PTPRN2: variants seen among roughly 807,000 people sequenced by gnomAD.
PTPRN2 encodes the protein protein tyrosine phosphatase receptor type N2.
In PTPRN2, 74 loss-of-function variants were observed where a neutral mutation model predicts 118.8. The ratio of observed to expected loss-of-function variants is 0.62; its 90% confidence interval spans 0.52 to 0.76. PTPRN2 has a LOEUF of 0.76. PTPRN2 is among the 30% of genes least tolerant of loss of function. The pLI is 0.00. For synonymous variants in PTPRN2, 641 were observed against 608.0 expected (o/e 1.05, Z -0.80); for missense variants, 1,481 against 1,394.4 (o/e 1.06, Z -0.99).
chr7:158,524,151 T>C (rs1473967838), intron 1 of PTPRN2, among the ~76,000 whole-genome samples: 5 of 51,320 alleles, frequency 9.7e-5, no homozygotes, highest in Admixed American at 4.3e-4. Flanking sequence ...TGCCCTGGAG[T>C]GGAGTCTGCC....
rs956185551 is a variant in PTPRN2, at chr7:157,974,348, G to T, written c.1724-75611C>A. On this transcript the variant is annotated intron_variant, in intron 11 of 22. Transcript: ENST00000389418. The surrounding 1 kb of genome is among the most constrained non-coding windows in gnomAD (Gnocchi z 4.0). ...ACGGGGCTCCTCCCCAGCTCACGGG[G>T]AAATCCCCTTTAATTTCAAACAGGG... 6.6e-6 allele frequency among the ~76,000 whole-genome samples: 1 copy of T among 152,200 alleles called. No homozygotes were observed. The highest frequency in any genetic ancestry group is 1.5e-5 in the Non-Finnish European group (1 of 68,038).
chr7:158,224,946 G>A (rs1407508735), intron 3 of PTPRN2, among the ~76,000 whole-genome samples: 2 of 152,060 alleles, frequency 1.3e-5, no homozygotes, highest in Admixed American at 6.6e-5. Flanking sequence ...TCTACTGATG[G>A]CAAATAACCA....
chr7:158,240,194 A>G (rs1056580442), intron 3 of PTPRN2, among the ~76,000 whole-genome samples: 4 of 152,172 alleles, frequency 2.6e-5, no homozygotes, highest in Non-Finnish European at 5.9e-5. Context: ...TTGGCTTAGT[A>G]TAATTTAATT....
chr7:158,108,505 C>G (rs973398443), intron 10 of PTPRN2, among the ~76,000 whole-genome samples: 1 of 152,212 alleles, frequency 6.6e-6, no homozygotes, highest in African/African-American at 2.4e-5. Context: ...CCCCAGCAGC[C>G]CTGGCATGTA....
intron 12 of PTPRN2, among the ~76,000 whole-genome samples, chr7:157,751,318 A>G (rs1801452204): frequency 6.6e-6 from 1 of 152,144 alleles, no homozygotes; most frequent in African/African-American, 2.4e-5. Context: ...TCAGCGAGGG[A>G]GAGCAGGTGG....
At chr7:157,695,476 A>T (rs1347169413) in intron 12 of PTPRN2, among the ~76,000 whole-genome samples, 2 of 152,140 alleles carry the variant, frequency 1.3e-5, no homozygotes, top group African/African-American at 4.8e-5. Flanking sequence ...TATAAAAATA[A>T]AAATAGATCC....
chr7:158,343,954 C>G (rs1039823739), intron 2 of PTPRN2, among the ~76,000 whole-genome samples: 1 of 152,190 alleles, frequency 6.6e-6, no homozygotes, highest in African/African-American at 2.4e-5. Context: ...CAAAGAAGAC[C>G]AGTGAACACA....
intron 21 of PTPRN2, among the ~76,000 whole-genome samples, chr7:157,555,368 A>G (rs1798828695): frequency 6.6e-6 from 1 of 152,254 alleles, no homozygotes; most frequent in Non-Finnish European, 1.5e-5. Flanking sequence ...GTCACAATGA[A>G]AGAATCCATT....
At chr7:157,553,530 C>T (rs1029376619) in intron 21 of PTPRN2, among the ~76,000 whole-genome samples, 7 of 152,178 alleles carry the variant, frequency 4.6e-5, no homozygotes, top group Admixed American at 1.3e-4. Context: ...TTCATGACAT[C>T]GTGGCTCCCT....
intron 11 of PTPRN2, among the ~76,000 whole-genome samples, chr7:158,026,916 C>G (rs1234388079): frequency 6.6e-6 from 1 of 152,228 alleles, no homozygotes; most frequent in African/African-American, 2.4e-5. Context: ...CGGCTCTGGG[C>G]ACTGTGTCAG....
intron 14 of PTPRN2, among the ~76,000 whole-genome samples, chr7:157,649,899 TCCAGCG>T: frequency 1.3e-5 from 1 of 76,824 alleles, no homozygotes; most frequent in Non-Finnish European, 3.3e-5. Flanking sequence ...GTCGGACCCA[TCCAGCG>T]TGCACTGAAC....
chr7:158,123,660 C>T lies in PTPRN2; in HGVS notation c.1556+10017G>A, dbSNP rs571108952. Among the ~76,000 whole-genome samples the T allele has an allele frequency of 4.6e-5, 7 of 152,326 alleles. No homozygotes were observed. The East Asian group carries it at 1.3e-3, about 29-fold the overall frequency. On this transcript the variant is annotated intron_variant, in intron 9 of 22. Coordinates refer to ENST00000389418, the MANE Select transcript of PTPRN2 (RefSeq NM_002847.5). ...AGGCAGAAAATCAATAGAGGAAAACCACTGTATTCTGACAACTTATTTTTT... is the reference window on the plus strand; with the variant it reads ...AGGCAGAAAATCAATAGAGGAAAACTACTGTATTCTGACAACTTATTTTTT...
At chr7:158,268,522 A>T (rs1334692323) in intron 3 of PTPRN2, among the ~76,000 whole-genome samples, 3 of 139,738 alleles carry the variant, frequency 2.1e-5, no homozygotes, top group African/African-American at 8.3e-5. Flanking sequence ...GCGGGTGTGA[A>T]ATATCCCAGC....
At chr7:157,665,616 G>GA (rs1037827968) in intron 13 of PTPRN2, among the ~76,000 whole-genome samples, 2 of 147,746 alleles carry the variant, frequency 1.4e-5, no homozygotes, top group African/African-American at 4.9e-5. Flanking sequence ...TAGCAGCGAA[G>GA]AAAAAACAAT....
In PTPRN2 at chr7:158,235,086, A is replaced by G. The variant is rs148230980; in HGVS notation, c.278-29813T>C. 9.0e-3 allele frequency among the ~76,000 whole-genome samples: 1,371 copies of G among 152,324 alleles called. 24 individuals are homozygous for G. Among genetic ancestry groups the G allele is most frequent in the African/African-American group, 0.031 (1,298 of 41,562 alleles). ...CCAAAATGGCTCTTATTGAAAAGAC[A>G]GAAAATAACAAATGGCTGGCACGGA... On this transcript the variant is annotated intron_variant, in intron 3 of 22. Transcript: ENST00000389418.
intron 12 of PTPRN2, among the ~76,000 whole-genome samples, chr7:157,809,604 A>G (rs10227782): frequency 0.33 from 50,628 of 152,070 alleles, 10,327 homozygotes; most frequent in African/African-American, 0.57. Context: ...TACGGCCGGC[A>G]TCCTTCTAAG....
At chr7:158,444,689 T>G (rs1817606443) in intron 2 of PTPRN2, among the ~76,000 whole-genome samples, 1 of 152,218 alleles carries the variant, frequency 6.6e-6, no homozygotes, top group Non-Finnish European at 1.5e-5. Flanking sequence ...CGGCCTTTCC[T>G]GTGGAATCCA....
intron 14 of PTPRN2, among the ~76,000 whole-genome samples, chr7:157,636,350 C>G (rs754513048): frequency 6.6e-6 from 1 of 152,264 alleles, no homozygotes; most frequent in South Asian, 2.1e-4. Context: ...AGACCACCTG[C>G]CTTTACCAAA....
At chr7:157,982,080 C>G (rs911628544) in intron 11 of PTPRN2, among the ~76,000 whole-genome samples, 4 of 145,616 alleles carry the variant, frequency 2.7e-5, no homozygotes, top group Non-Finnish European at 6.1e-5. Flanking sequence ...ATGCAGAGTG[C>G]AGGGTCCCCT....
Sources: allele counts gnomAD v4.1 joint callset (sites outside exome capture counted in the v4.1 genomes callset), GRCh38; gene constraint gnomAD v4.1.1; non-coding constraint Gnocchi (gnomAD v3.1); transcripts MANE v1.5; gene names NCBI Gene and HGNC (gene_info 2026-07-23, HGNC 2026-07-21).